Variants in KLF8 observed in about 807,000 individuals in gnomAD.
KLF8 encodes the protein KLF transcription factor 8, also known as Krueppel-like factor 8.
In KLF8, 10 loss-of-function variants were observed where a neutral mutation model predicts 18.2. The observed-to-expected ratio is 0.55, with a 90% CI of 0.34 to 0.93. The LOEUF is 0.93. Among genes scored for constraint, KLF8 ranks in the 40% least tolerant of loss-of-function variants. The probability of loss-of-function intolerance (pLI) is 0.02; values close to 1 mark genes in which losing one functional copy is unlikely to be tolerated. For synonymous variants in KLF8, 109 were observed against 97.3 expected (o/e 1.12, Z -0.71); for missense variants, 264 against 277.9 (o/e 0.95, Z 0.36).
At chrX:56,004,231 T>G in the KLF8 span, among the ~76,000 whole-genome samples, 29 of 112,466 alleles carry the variant, frequency 2.6e-4, no homozygotes, top group South Asian at 1.1e-3. Context: ...AGTCAATACA[T>G]GTCAAGTGTT....
the KLF8 span, among the ~76,000 whole-genome samples, chrX:56,216,008 C>T: frequency 1.9e-5 from 2 of 107,905 alleles, no homozygotes; most frequent in African/African-American, 3.4e-5. Context: ...TCTCGGTGAA[C>T]GACACCACTA....
the KLF8 span, among the ~76,000 whole-genome samples, chrX:56,191,189 C>G: frequency 1.8e-5 from 2 of 110,967 alleles, no homozygotes; most frequent in Non-Finnish European, 3.8e-5. Flanking sequence ...AACTATATGC[C>G]AATAAATTAG....
the KLF8 span, among the ~76,000 whole-genome samples, chrX:56,188,603 T>A: frequency 5.4e-5 from 6 of 112,075 alleles, no homozygotes; most frequent in Admixed American, 9.5e-5. Flanking sequence ...GGCATCATGC[T>A]ACCTGACTTC....
the KLF8 span, among the ~76,000 whole-genome samples, chrX:56,048,118 G>GT: frequency 9.0e-6 from 1 of 111,399 alleles, no homozygotes; most frequent in Non-Finnish European, 1.9e-5. Flanking sequence ...GGGGTTGTTT[G>GT]TTTTTTTCTT....
chrX:56,272,757 A>G (rs2067073641), intron 5 of KLF8, among the ~76,000 whole-genome samples: 1 of 111,143 alleles, frequency 9.0e-6, no homozygotes, highest in Admixed American at 9.6e-5. Context: ...CATTCTCCAC[A>G]CAGTAGCCAG....
At chrX:55,981,962 G>T in the KLF8 span, among the ~76,000 whole-genome samples, 1 of 111,286 alleles carries the variant, frequency 9.0e-6, no homozygotes, top group East Asian at 2.8e-4. Flanking sequence ...GGGCTTTAGG[G>T]CTTTTTTTCT....
the KLF8 span, among the ~76,000 whole-genome samples, chrX:56,089,331 G>A: frequency 1.0e-3 from 114 of 111,985 alleles, no homozygotes; most frequent in African/African-American, 3.5e-3. Flanking sequence ...AAAAGTGAGC[G>A]GAGAAGCTGT....
At chrX:56,094,596 C>T in the KLF8 span, among the ~76,000 whole-genome samples, 1 of 110,703 alleles carries the variant, frequency 9.0e-6, no homozygotes, top group African/African-American at 3.3e-5. Flanking sequence ...CTAAAAGACG[C>T]CATCAAAAAA....
At chrX:56,037,718 T>C in the KLF8 span, among the ~76,000 whole-genome samples, 1 of 110,666 alleles carries the variant, frequency 9.0e-6, no homozygotes, top group Admixed American at 9.7e-5. Flanking sequence ...ATTTATGGGG[T>C]ACATGAGATA....
chrX:55,975,725 C>T, the KLF8 span, among the ~76,000 whole-genome samples: 2 of 111,528 alleles, frequency 1.8e-5, no homozygotes, highest in African/African-American at 6.5e-5. Flanking sequence ...CATGCAGGAC[C>T]CCTTGTGTCC....
intron 3 of KLF8, chrX:56,267,223 G>A: frequency 1.3e-6 from 1 of 749,859 alleles, no homozygotes; most frequent in Non-Finnish European, 1.6e-6. Flanking sequence ...TGGCCCAATG[G>A]TGTCTGTATT....
chrX:56,038,785 T>G, the KLF8 span, among the ~76,000 whole-genome samples: 1 of 112,635 alleles, frequency 8.9e-6, no homozygotes, highest in African/African-American at 3.2e-5. Context: ...TTTGAGGAAC[T>G]GCCACACTCT....
chrX:56,269,559 A>T (rs1011490496), intron 4 of KLF8, 70 bp downstream of exon 4: 3 of 1,086,365 alleles, frequency 2.8e-6, no homozygotes, highest in Non-Finnish European at 3.6e-6. Flanking sequence ...ACATTTGCAC[A>T]TATGTATAGG....
the KLF8 span, among the ~76,000 whole-genome samples, chrX:56,040,486 G>A: frequency 3.8e-5 from 4 of 106,290 alleles, no homozygotes; most frequent in African/African-American, 1.6e-4. Context: ...ATATAATCAT[G>A]TGGTTTTTGT....
the KLF8 span, among the ~76,000 whole-genome samples, chrX:56,058,310 A>G: frequency 4.9e-4 from 39 of 78,905 alleles, 1 homozygote; most frequent in African/African-American, 1.8e-3. Context: ...ATATATATAT[A>G]TATATATATA....
At chrX:56,284,180 C>T in intron 5 of KLF8, 133 bp from the exon 6 acceptor site, 1 of 436,799 alleles carries the variant, frequency 2.3e-6, no homozygotes, top group Non-Finnish European at 3.7e-6. Context: ...AAAAGATTTA[C>T]AGGCATATGC....
the KLF8 span, among the ~76,000 whole-genome samples, chrX:56,129,013 C>G: frequency 1.8e-5 from 2 of 111,919 alleles, no homozygotes; most frequent in Non-Finnish European, 3.8e-5. Flanking sequence ...AAATCTTATA[C>G]CAGGTTACAC....
At chrX:56,199,782 G>T in the KLF8 span, among the ~76,000 whole-genome samples, 1 of 111,430 alleles carries the variant, frequency 9.0e-6, no homozygotes, top group Non-Finnish European at 1.9e-5. Flanking sequence ...ACATGCACAC[G>T]TATGTTTATT....
chrX:56,049,155 G>A, the KLF8 span, among the ~76,000 whole-genome samples: 1 of 111,634 alleles, frequency 9.0e-6, no homozygotes, highest in Non-Finnish European at 1.9e-5. Context: ...ATCAGCTTAA[G>A]GAGATTTTGG....
Sources: allele counts gnomAD v4.1 joint callset (sites outside exome capture counted in the v4.1 genomes callset), GRCh38; gene constraint gnomAD v4.1.1; transcripts MANE v1.5; gene names NCBI Gene and HGNC (gene_info 2026-07-23, HGNC 2026-07-21).